Variants in HTRA1 observed in about 807,000 individuals in gnomAD.
The protein encoded by HTRA1 is HtrA serine peptidase 1, also known as serine protease HTRA1.
A neutral mutation model predicts 49.7 loss-of-function variants in HTRA1; 26 were observed. The observed-to-expected ratio is 0.52, with a 90% CI of 0.38 to 0.73. The LOEUF is 0.73. Ranked by LOEUF, HTRA1 falls within the 30% of genes least tolerant of loss-of-function variation. The probability of loss-of-function intolerance (pLI) is 0.00; values close to 1 mark genes in which losing one functional copy is unlikely to be tolerated. For synonymous variants in HTRA1, 291 were observed against 286.9 expected (o/e 1.01, Z -0.14); for missense variants, 561 against 667.2 (o/e 0.84, Z 1.75).
At chr10:122,514,097 T>G in intron 8 of HTRA1, 94 bp from the exon 9 acceptor site, 2 of 1,271,836 alleles carry the variant, frequency 1.6e-6, no homozygotes, top group Non-Finnish European at 2.3e-6. Flanking sequence ...GCTCTGGGCT[T>G]TTAGGTTCTA....
intron 1 of HTRA1, 44 bp from the exon 2 acceptor site, chr10:122,488,858 C>T: frequency 6.8e-7 from 1 of 1,477,880 alleles, no homozygotes. Flanking sequence ...TAGGTGGCCA[C>T]AGCAGAGTGT....
Position 122,510,170 on chromosome 10 carries a change from C to A in HTRA1, c.1178+17C>A, listed in dbSNP as rs563273679. The A allele has an allele frequency of 2.5e-6, 4 of 1,605,520 alleles. No homozygotes were observed. Among genetic ancestry groups the A allele is most frequent in the East Asian group, 4.5e-5 (2 of 44,850 alleles). On this transcript the variant is annotated intron_variant, in intron 7 of 8. Transcript: ENST00000368984. ...CACGTCCAGGTGGGTAAACAGGATG[C>A]GTGTCTGTGTCTTAAATTTTAATAA...
At chr10:122,495,405 G>A (rs1252017274) in intron 3 of HTRA1, among the ~76,000 whole-genome samples, 1 of 152,110 alleles carries the variant, frequency 6.6e-6, no homozygotes, top group Non-Finnish European at 1.5e-5. Flanking sequence ...AGGGGGACGG[G>A]AATCAATATT....
chr10:122,471,850 A>G (rs1279254583), intron 1 of HTRA1, among the ~76,000 whole-genome samples: 3 of 152,156 alleles, frequency 2.0e-5, no homozygotes, highest in African/African-American at 7.2e-5. Context: ...GTTTTCCTGT[A>G]AGGCTGGAGA....
At chr10:122,500,801 T>C (rs540299311) in intron 3 of HTRA1, among the ~76,000 whole-genome samples, 23 of 152,188 alleles carry the variant, frequency 1.5e-4, no homozygotes, top group Non-Finnish European at 1.8e-4. Flanking sequence ...GTGGTTCAGT[T>C]ATGGAACTCA....
At chr10:122,489,201 G>C (rs571264674) in intron 2 of HTRA1, among the ~76,000 whole-genome samples, 200 bp downstream of exon 2, 1 of 152,256 alleles carries the variant, frequency 6.6e-6, no homozygotes, top group East Asian at 1.9e-4. Flanking sequence ...AATGTTTAAA[G>C]AACCTCGGGC....
intron 3 of HTRA1, among the ~76,000 whole-genome samples, chr10:122,499,878 A>G (rs1241454581): frequency 6.6e-6 from 1 of 152,244 alleles, no homozygotes; most frequent in Non-Finnish European, 1.5e-5. Flanking sequence ...GAACCAACAC[A>G]GGACCAGCCT....
In HTRA1 at chr10:122,514,639, T is replaced by G. The variant is rs186347822; in HGVS notation, c.*280T>G. The G allele has an allele frequency of 2.3e-6, 1 of 441,798 alleles. No homozygotes were observed. The highest frequency in any genetic ancestry group is 3.4e-5 in the Admixed American group (1 of 29,054). The allele number at this position is 441,798 out of a possible 1,614,324, so 27.4% of individuals were successfully genotyped here. A position where few individuals can be genotyped will look rare whatever the true frequency, so the allele number is the denominator to read the frequency against. On this transcript the variant is annotated 3_prime_UTR_variant, in exon 9 of 9. Coordinates refer to ENST00000368984, the MANE Select transcript of HTRA1 (RefSeq NM_002775.5). ...CCATTCTTGCTTAGACAGTCAGCAT[T>G]TGTCTCCTCCTTTAACTGAGTCATC...
intron 1 of HTRA1, among the ~76,000 whole-genome samples, chr10:122,478,284 G>T (rs1408353635): frequency 6.6e-6 from 1 of 152,138 alleles, no homozygotes; most frequent in Non-Finnish European, 1.5e-5. Context: ...GCCTTGGCTG[G>T]AGTATGCACT....
At chr10:122,496,783 C>G (rs536431028) in intron 3 of HTRA1, among the ~76,000 whole-genome samples, 5 of 152,266 alleles carry the variant, frequency 3.3e-5, no homozygotes, top group African/African-American at 9.6e-5. Context: ...TTCTGCTCAG[C>G]CTGCAGATCC....
At chr10:122,491,662 T>C (rs1489813937) in intron 3 of HTRA1, among the ~76,000 whole-genome samples, 2 of 152,238 alleles carry the variant, frequency 1.3e-5, no homozygotes, top group African/African-American at 2.4e-5. Flanking sequence ...CCCTGGCATG[T>C]CCTGGCAAGA....
chr10:122,489,042 T>C (rs540479574), intron 2 of HTRA1, 41 bp downstream of exon 2: 2 of 1,362,912 alleles, frequency 1.5e-6, no homozygotes, highest in Non-Finnish European at 2.1e-6. Context: ...TCCGAAGCTT[T>C]CACCGCCACT....
intron 3 of HTRA1, among the ~76,000 whole-genome samples, chr10:122,491,878 C>T (rs2097496026): frequency 6.6e-6 from 1 of 152,214 alleles, no homozygotes; most frequent in Admixed American, 6.5e-5. Context: ...CAGACACCCA[C>T]ACAAAAGACT....
intron 1 of HTRA1, among the ~76,000 whole-genome samples, chr10:122,481,149 A>G (rs1591029533): frequency 1.3e-5 from 2 of 152,100 alleles, no homozygotes; most frequent in African/African-American, 2.4e-5. Flanking sequence ...TTTTTCTGCT[A>G]CCCACACACT....
At chr10:122,502,878 T>A (rs2097501532) in intron 3 of HTRA1, among the ~76,000 whole-genome samples, 1 of 152,254 alleles carries the variant, frequency 6.6e-6, no homozygotes, top group African/African-American at 2.4e-5. Context: ...CACTTGCATT[T>A]TCTTTTCCCC....
At chr10:122,466,043 T>C (rs568943479) in intron 1 of HTRA1, among the ~76,000 whole-genome samples, 294 of 152,282 alleles carry the variant, frequency 1.9e-3, no homozygotes, top group African/African-American at 6.5e-3. Flanking sequence ...TGGAGGTTTT[T>C]AGGATCGCCT....
chr10:122,461,815 G>A lies in HTRA1; in HGVS notation c.163G>A (p.Gly55Ser). The A allele has an allele frequency of 1.9e-6, 2 of 1,074,882 alleles. No individual in the cohort carries two copies. Among genetic ancestry groups the A allele is most frequent in the Non-Finnish European group, 2.2e-6 (2 of 890,578 alleles). The allele number at this position is 1,074,882 out of a possible 1,614,324, so 66.6% of individuals were successfully genotyped here. A position where few individuals can be genotyped will look rare whatever the true frequency, so the allele number is the denominator to read the frequency against. The stretch of plus-strand genomic sequence containing the variant: ...CCCGCCGCAGCCGGAGCACTGCGAG[G>A]GCGGCCGGGCCCGGGACGCGTGCGG... The part of the protein sequence containing the change: ...RCPPQPEHCE[G>S]GRARDACGCC... Residue 55 changes from glycine to serine, a missense_variant, in exon 1 of 9, where the codon GGC (glycine) becomes AGC (serine). Physicochemically the swap from Gly to Ser is moderately conservative, Grantham distance 56. Around this residue, in one of 3 missense-constraint regions of HTRA1, gnomAD observed 111 missense variants for 83.7 expected, o/e 1.33. Transcript: ENST00000368984.
At chr10:122,484,509 C>G (rs1336734367) in intron 1 of HTRA1, among the ~76,000 whole-genome samples, 1 of 152,212 alleles carries the variant, frequency 6.6e-6, no homozygotes, top group Admixed American at 6.5e-5. Flanking sequence ...CCCTTTACCT[C>G]TCTGCTGTGC....
chr10:122,463,905 T>A (rs1348674241), intron 1 of HTRA1, among the ~76,000 whole-genome samples: 1 of 152,164 alleles, frequency 6.6e-6, no homozygotes, highest in Non-Finnish European at 1.5e-5. Context: ...TAGATCAGTG[T>A]GGCTGGGGAA....
Sources: allele counts gnomAD v4.1 joint callset (sites outside exome capture counted in the v4.1 genomes callset), GRCh38; gene constraint gnomAD v4.1.1; regional missense constraint gnomAD v4.1.1; transcripts MANE v1.5; gene names NCBI Gene and HGNC (gene_info 2026-07-23, HGNC 2026-07-21).